CNBD1: variants seen among roughly 807,000 people sequenced by gnomAD.
CNBD1 encodes cyclic nucleotide-binding domain-containing protein 1.
In CNBD1, 71 loss-of-function variants were observed where a neutral mutation model predicts 54.4. That is an observed-to-expected ratio of 1.30 (90% confidence interval 1.08 to 1.59). The LOEUF is 1.59. CNBD1 is among the 40% of genes most tolerant of loss of function. The pLI, the probability that CNBD1 is intolerant of heterozygous loss-of-function variation, is 0.00. For missense variants in CNBD1, 659 were observed against 518.0 expected (o/e 1.27, Z -2.64); for synonymous variants, 182 against 170.7 (o/e 1.07, Z -0.51).
At chr8:86,920,497 A>G (rs918483282) in intron 3 of CNBD1, among the ~76,000 whole-genome samples, 8 of 152,184 alleles carry the variant, frequency 5.3e-5, no homozygotes, top group African/African-American at 1.9e-4. Flanking sequence ...CACAGAACTT[A>G]ATAATTTGAA....
intron 4 of CNBD1, among the ~76,000 whole-genome samples, chr8:87,019,031 C>A (rs1181715665): frequency 6.6e-6 from 1 of 152,100 alleles, no homozygotes; most frequent in Non-Finnish European, 1.5e-5. Flanking sequence ...GTAACAAAGT[C>A]TCCTGGGTAT....
intron 10 of CNBD1, among the ~76,000 whole-genome samples, chr8:87,373,492 G>A (rs1407062641): frequency 1.3e-5 from 2 of 151,756 alleles, no homozygotes; most frequent in Non-Finnish European, 2.9e-5. Context: ...AACATTCACA[G>A]GTTTTGATTT....
intron 4 of CNBD1, among the ~76,000 whole-genome samples, chr8:86,956,121 G>A (rs969518492): frequency 6.6e-6 from 1 of 151,936 alleles, no homozygotes; most frequent in Non-Finnish European, 1.5e-5. Context: ...TCTCAGGTTC[G>A]TCAAAGATCA....
chr8:87,068,164 TC>T (rs144063704), intron 4 of CNBD1, among the ~76,000 whole-genome samples: 2,028 of 152,158 alleles, frequency 0.013, 26 homozygotes, highest in Non-Finnish European at 0.021. Context: ...ACTGGGTTAC[TC>T]AGACAGCAGC....
intron 4 of CNBD1, among the ~76,000 whole-genome samples, chr8:87,136,298 A>G (rs1160148981): frequency 6.6e-6 from 1 of 151,460 alleles, no homozygotes; most frequent in Non-Finnish European, 1.5e-5. Flanking sequence ...AGTAATCATA[A>G]TTTAATTCCA....
intron 4 of CNBD1, among the ~76,000 whole-genome samples, chr8:87,077,456 A>G (rs1810897506): frequency 6.8e-6 from 1 of 146,878 alleles, no homozygotes. Flanking sequence ...CAATGTGCAC[A>G]ATGTGCAGGT....
At chr8:87,159,016 AT>A (rs540496995) in intron 4 of CNBD1, among the ~76,000 whole-genome samples, 1 of 152,228 alleles carries the variant, frequency 6.6e-6, no homozygotes, top group South Asian at 2.1e-4. Context: ...TCCATTATTT[AT>A]TTCATTTTTT....
intron 2 of CNBD1, among the ~76,000 whole-genome samples, chr8:87,421,365 C>T (rs1238231483): frequency 6.6e-6 from 1 of 151,280 alleles, no homozygotes; most frequent in Non-Finnish European, 1.5e-5. Flanking sequence ...TGCTGGTGTG[C>T]TGCACCCACT....
chr8:87,188,762 AAT>A (rs1316974295), intron 4 of CNBD1, among the ~76,000 whole-genome samples: 9 of 151,338 alleles, frequency 5.9e-5, no homozygotes, highest in African/African-American at 1.9e-4. Flanking sequence ...AAAAAAAAAA[AAT>A]AAAAATAAAA....
At chr8:87,087,859 T>C (rs1218696570) in intron 4 of CNBD1, among the ~76,000 whole-genome samples, 1 of 152,168 alleles carries the variant, frequency 6.6e-6, no homozygotes, top group Non-Finnish European at 1.5e-5. Context: ...GATGAGGTAA[T>C]GGAGACCACA....
chr8:87,041,126 A>T (rs1483174733), intron 4 of CNBD1, among the ~76,000 whole-genome samples: 1 of 152,128 alleles, frequency 6.6e-6, no homozygotes, highest in Non-Finnish European at 1.5e-5. Flanking sequence ...GGTTCCAAGC[A>T]ATAAAAGGTA....
chr8:86,961,269 T>G (rs1270614080), intron 4 of CNBD1, among the ~76,000 whole-genome samples: 10 of 152,200 alleles, frequency 6.6e-5, no homozygotes, highest in Non-Finnish European at 1.0e-4. Flanking sequence ...CAATGAAGGC[T>G]GTGAACCAAA....
intron 6 of CNBD1, among the ~76,000 whole-genome samples, chr8:87,282,173 T>C (rs987899502): frequency 6.6e-6 from 1 of 151,764 alleles, no homozygotes; most frequent in African/African-American, 2.4e-5. Context: ...AGGAAACCTA[T>C]ACAATATTTT....
intron 4 of CNBD1, among the ~76,000 whole-genome samples, chr8:87,131,686 T>C (rs998361473): frequency 9.9e-5 from 15 of 152,010 alleles, no homozygotes; most frequent in Non-Finnish European, 1.5e-5. Context: ...GATCCATAGA[T>C]TTTTTTGTTT....
intron 2 of CNBD1, among the ~76,000 whole-genome samples, chr8:87,398,207 C>CTTTCTTTTTTTTTTTTT (rs1181570235): frequency 2.0e-5 from 3 of 149,838 alleles, no homozygotes; most frequent in African/African-American, 7.5e-5. Context: ...GAAATATTTT[C>CTTTCTTTTTTTTTTTTT]TTATTTTCTT....
chr8:86,994,487 G>A (rs958699856), intron 4 of CNBD1, among the ~76,000 whole-genome samples: 3 of 152,194 alleles, frequency 2.0e-5, no homozygotes, highest in Admixed American at 6.5e-5. Flanking sequence ...GTGCCTATGG[G>A]CACAAAGGCC....
chr8:87,164,415 C>T (rs1313831596), intron 4 of CNBD1, among the ~76,000 whole-genome samples: 1 of 151,424 alleles, frequency 6.6e-6, no homozygotes, highest in Non-Finnish European at 1.5e-5. Context: ...TCATTTGACC[C>T]TAGATGTTTT....
intron 4 of CNBD1, among the ~76,000 whole-genome samples, chr8:86,985,370 T>C (rs919579734): frequency 6.6e-6 from 1 of 152,156 alleles, no homozygotes; most frequent in Admixed American, 6.5e-5. Context: ...ACTAGCCAGT[T>C]TTTCAACCCA....
At chr8:87,366,668 T>C (rs1810649003) in intron 10 of CNBD1, among the ~76,000 whole-genome samples, 1 of 152,052 alleles carries the variant, frequency 6.6e-6, no homozygotes, top group African/African-American at 2.4e-5. Flanking sequence ...GGGGCCACTT[T>C]AGAACTCTGC....
Sources: allele counts gnomAD v4.1 joint callset (sites outside exome capture counted in the v4.1 genomes callset), GRCh38; gene constraint gnomAD v4.1.1; transcripts MANE v1.5; gene names NCBI Gene and HGNC (gene_info 2026-07-23, HGNC 2026-07-21).